The following NAALADL2 variants were observed in gnomAD, a reference collection of about 807,000 sequenced individuals.
NAALADL2 encodes the protein inactive N-acetylated-alpha-linked acidic dipeptidase-like protein 2.
NAALADL2 carries 76 observed loss-of-function variants against 87.2 expected under a neutral mutation model. That is an observed-to-expected ratio of 0.87 (90% CI 0.72 to 1.05). NAALADL2 has a LOEUF of 1.05. Ranked by LOEUF, NAALADL2 falls within the 50% of genes least tolerant of loss-of-function variation. The pLI is 0.00. For synonymous variants in NAALADL2, 354 were observed against 331.0 expected, an observed-to-expected ratio of 1.07 and a Z score of -0.75; for missense variants, 1,089 against 945.8, an observed-to-expected ratio of 1.15 and a Z score of -1.99.
chr3:174,575,848 G>A (rs937848786), intron 2 of NAALADL2, among the ~76,000 whole-genome samples: 3 of 152,044 alleles, frequency 2.0e-5, no homozygotes, highest in Non-Finnish European at 4.4e-5. Flanking sequence ...CAGGCATTGA[G>A]TATATATAGT....
At position 175,071,410 on chromosome 3, in the gene NAALADL2, TA is replaced by T. The variant is rs145937491; in HGVS notation, c.44-25379del. On this transcript the variant is annotated intron_variant, in intron 1 of 13. Transcript: ENST00000454872. ...TTGTCTCCATTTGCTTCTATTAAAT[TA>T]TAAGTTAATATGGAAGTCATTCTTT... 2.8e-3 allele frequency among the ~76,000 whole-genome samples: 429 copies of T among 152,214 alleles called. 2 individuals carry two copies. The highest frequency in any genetic ancestry group is 4.3e-3 in the Non-Finnish European group (290 of 67,984).
chr3:175,107,200 C>T (rs181803361), intron 2 of NAALADL2, among the ~76,000 whole-genome samples: 18 of 152,040 alleles, frequency 1.2e-4, no homozygotes, highest in Admixed American at 3.3e-4. Flanking sequence ...TTAGATGTTT[C>T]TGTGAAGGCA....
chr3:175,619,152 C>A (rs1480873843), intron 10 of NAALADL2, among the ~76,000 whole-genome samples: 2 of 151,722 alleles, frequency 1.3e-5, no homozygotes, highest in Non-Finnish European at 2.9e-5. Context: ...CCATTGCTTC[C>A]CTATCACAAG....
chr3:175,307,802 G>A (rs539934386), intron 4 of NAALADL2, among the ~76,000 whole-genome samples: 1 of 152,238 alleles, frequency 6.6e-6, no homozygotes, highest in East Asian at 1.9e-4. Context: ...TGTAAAGAGT[G>A]AGTAATATGT....
intron 11 of NAALADL2, among the ~76,000 whole-genome samples, chr3:175,633,820 T>TA (rs1371310306): frequency 1.3e-5 from 2 of 151,666 alleles, no homozygotes; most frequent in Non-Finnish European, 3.0e-5. Flanking sequence ...GTTTACGTAT[T>TA]ACAAAAACAG....
chr3:175,093,416 T>TA (rs1489640629), intron 1 of NAALADL2, among the ~76,000 whole-genome samples: 107 of 139,508 alleles, frequency 7.7e-4, no homozygotes, highest in African/African-American at 2.1e-3. Context: ...TTTTATTTTT[T>TA]TATATATATA....
intron 2 of NAALADL2, among the ~76,000 whole-genome samples, chr3:175,121,164 A>C (rs1726094428): frequency 1.3e-5 from 2 of 152,018 alleles, no homozygotes; most frequent in South Asian, 4.1e-4. Flanking sequence ...AACAAGGAAT[A>C]GAAATTTACT....
At chr3:175,368,440 C>T (rs1417615154) in intron 5 of NAALADL2, among the ~76,000 whole-genome samples, 1 of 152,052 alleles carries the variant, frequency 6.6e-6, no homozygotes, top group African/African-American at 2.4e-5. Flanking sequence ...GGTACCAGTT[C>T]CTCCTTGTAC....
intron 3 of NAALADL2, among the ~76,000 whole-genome samples, chr3:174,759,565 G>C (rs1712623235): frequency 6.6e-6 from 1 of 152,198 alleles, no homozygotes; most frequent in Non-Finnish European, 1.5e-5. Context: ...TGGTGGATTA[G>C]AGGTTCATTG....
intron 1 of NAALADL2, among the ~76,000 whole-genome samples, chr3:174,890,570 G>A (rs1302184186): frequency 6.6e-6 from 1 of 152,134 alleles, no homozygotes; most frequent in African/African-American, 2.4e-5. Flanking sequence ...GAATGAATAA[G>A]CACAGAGAAA....
At chr3:174,816,521 TATA>T (rs1720841137) in intron 3 of NAALADL2, among the ~76,000 whole-genome samples, 1 of 80,136 alleles carries the variant, frequency 1.2e-5, no homozygotes, top group South Asian at 2.7e-4. Flanking sequence ...TTATTTATAT[TATA>T]TTATATATAA....
chr3:175,009,242 A>G (rs1726066122), intron 1 of NAALADL2, among the ~76,000 whole-genome samples: 1 of 152,158 alleles, frequency 6.6e-6, no homozygotes, highest in African/African-American at 2.4e-5. Flanking sequence ...GAGAACCACT[A>G]TCCTAGAGGG....
At chr3:175,024,417 G>A (rs1472720469) in intron 1 of NAALADL2, among the ~76,000 whole-genome samples, 1 of 152,026 alleles carries the variant, frequency 6.6e-6, no homozygotes, top group African/African-American at 2.4e-5. Flanking sequence ...AATGCAAAAA[G>A]GGCAAAGCGG....
chr3:175,135,860 C>T (rs1729040853), intron 2 of NAALADL2, among the ~76,000 whole-genome samples: 2 of 152,110 alleles, frequency 1.3e-5, no homozygotes, highest in Non-Finnish European at 2.9e-5. Flanking sequence ...AGGAACCAGA[C>T]AGAATATCAG....
intron 3 of NAALADL2, among the ~76,000 whole-genome samples, chr3:174,809,393 T>C (rs1334477986): frequency 1.3e-5 from 2 of 152,178 alleles, no homozygotes; most frequent in African/African-American, 4.8e-5. Context: ...TGGCCTAAGA[T>C]AATATAGGCA....
chr3:175,157,374 C>T (rs1456746433), intron 2 of NAALADL2, among the ~76,000 whole-genome samples: 1 of 152,038 alleles, frequency 6.6e-6, no homozygotes, highest in South Asian at 2.1e-4. Flanking sequence ...ATTCTCAAAA[C>T]ATCAGTTTTA....
chr3:175,126,748 G>A (rs1200160048), intron 2 of NAALADL2, among the ~76,000 whole-genome samples: 1 of 151,774 alleles, frequency 6.6e-6, no homozygotes, highest in Non-Finnish European at 1.5e-5. Context: ...GAGGTTGACA[G>A]GTAAACACAT....
chr3:174,510,827 C>T (rs930798817), intron 1 of NAALADL2, among the ~76,000 whole-genome samples: 1 of 151,664 alleles, frequency 6.6e-6, no homozygotes, highest in Admixed American at 6.6e-5. Context: ...CTTTTTCTAA[C>T]ATGAGCATTT....
intron 3 of NAALADL2, among the ~76,000 whole-genome samples, chr3:174,782,753 G>C (rs761266256): frequency 1.3e-5 from 2 of 151,924 alleles, no homozygotes; most frequent in Non-Finnish European, 2.9e-5. Flanking sequence ...GAGAGGTGCC[G>C]CGCAAAGGGG....
Sources: allele counts gnomAD v4.1 joint callset (sites outside exome capture counted in the v4.1 genomes callset), GRCh38; gene constraint gnomAD v4.1.1; transcripts MANE v1.5; gene names NCBI Gene and HGNC (gene_info 2026-07-23, HGNC 2026-07-21).